The following NR3C2 variants were observed in gnomAD, a reference collection of about 807,000 sequenced individuals.
The protein encoded by NR3C2 is mineralocorticoid receptor.
In NR3C2, 15 loss-of-function variants were observed where a neutral mutation model predicts 86.4. The observed-to-expected ratio is 0.17, with a 90% CI of 0.12 to 0.27. The LOEUF is 0.27. NR3C2 is among the 10% of genes least tolerant of loss of function. The pLI, the probability that NR3C2 is intolerant of heterozygous loss-of-function variation, is 1.00. For synonymous variants in NR3C2, 458 were observed against 450.5 expected (o/e 1.02, Z -0.21); for missense variants, 960 against 1,195.6 (o/e 0.80, Z 2.91).
At chr4:148,111,059 C>T (rs544480297) in intron 8 of NR3C2, among the ~76,000 whole-genome samples, 10 of 152,238 alleles carry the variant, frequency 6.6e-5, no homozygotes, top group East Asian at 1.9e-4. Flanking sequence ...AGATCAGCCA[C>T]GCTGGGAGAA....
At chr4:148,347,062 G>A (rs1296800892) in intron 2 of NR3C2, among the ~76,000 whole-genome samples, 1 of 152,052 alleles carries the variant, frequency 6.6e-6, no homozygotes, top group Non-Finnish European at 1.5e-5. Flanking sequence ...TAGACCTAAG[G>A]GTCAAATTCT....
intron 4 of NR3C2, among the ~76,000 whole-genome samples, chr4:148,167,432 T>C (rs2149780936): frequency 6.6e-6 from 1 of 152,354 alleles, no homozygotes; most frequent in Admixed American, 6.5e-5. Flanking sequence ...AGAGCATTTT[T>C]AGCCTTTAGT....
chr4:148,354,937 A>G (rs1745479742), intron 2 of NR3C2, among the ~76,000 whole-genome samples: 1 of 152,190 alleles, frequency 6.6e-6, no homozygotes, highest in Non-Finnish European at 1.5e-5. Flanking sequence ...GAAAGTAATA[A>G]GTGATTTCAT....
intron 3 of NR3C2, among the ~76,000 whole-genome samples, chr4:148,254,459 T>C (rs746561946): frequency 9.2e-5 from 14 of 152,182 alleles, no homozygotes; most frequent in Non-Finnish European, 8.8e-5. Context: ...TGGGGGTCAA[T>C]TGTTGGAGAA....
At chr4:148,432,749 G>A (rs905848719) in intron 2 of NR3C2, among the ~76,000 whole-genome samples, 3 of 152,080 alleles carry the variant, frequency 2.0e-5, no homozygotes, top group Non-Finnish European at 4.4e-5. Context: ...AAGAGACTAA[G>A]GATGATACTT....
chr4:148,175,175 A>C (rs996550718), intron 4 of NR3C2, among the ~76,000 whole-genome samples: 2 of 152,164 alleles, frequency 1.3e-5, no homozygotes, highest in Non-Finnish European at 2.9e-5. Flanking sequence ...AACAAAACAA[A>C]ACACACACAA....
At chr4:148,403,834 A>G (rs1748282437) in intron 2 of NR3C2, among the ~76,000 whole-genome samples, 1 of 152,094 alleles carries the variant, frequency 6.6e-6, no homozygotes, top group African/African-American at 2.4e-5. Flanking sequence ...AGTAATACCA[A>G]AAGTTTTCAA....
chr4:148,289,465 C>T (rs902230337), intron 2 of NR3C2, among the ~76,000 whole-genome samples: 1 of 152,182 alleles, frequency 6.6e-6, no homozygotes, highest in Non-Finnish European at 1.5e-5. Flanking sequence ...AAGCCTCCTA[C>T]AGCGACACAT....
At chr4:148,419,116 T>C (rs1234686762) in intron 2 of NR3C2, among the ~76,000 whole-genome samples, 2 of 151,838 alleles carry the variant, frequency 1.3e-5, no homozygotes, top group Non-Finnish European at 1.5e-5. Context: ...TCTTTTTGTC[T>C]GGCTAGCCAT....
At chr4:148,305,017 C>T (rs895794354) in intron 2 of NR3C2, among the ~76,000 whole-genome samples, 5 of 133,576 alleles carry the variant, frequency 3.7e-5, no homozygotes, top group Non-Finnish European at 8.1e-5. Flanking sequence ...GCTGAACTAA[C>T]GAGTTAAAAA....
chr4:148,093,574 T>C (rs1300021151), intron 8 of NR3C2, among the ~76,000 whole-genome samples: 1 of 152,186 alleles, frequency 6.6e-6, no homozygotes, highest in African/African-American at 2.4e-5. Flanking sequence ...AACTTTATTT[T>C]CAAAGATCAA....
chr4:148,085,509 TTATAGCAC>T (rs1211474782), intron 8 of NR3C2, among the ~76,000 whole-genome samples: 2 of 152,208 alleles, frequency 1.3e-5, no homozygotes, highest in Non-Finnish European at 2.9e-5. Context: ...AGACGGAAAT[TTATAGCAC>T]TAAATGCCCA....
intron 2 of NR3C2, among the ~76,000 whole-genome samples, chr4:148,298,037 C>G (rs1332628116): frequency 6.6e-6 from 1 of 152,162 alleles, no homozygotes; most frequent in Non-Finnish European, 1.5e-5. Context: ...CCAGCAGTTT[C>G]TTCTTCTAAG....
At chr4:148,305,291 C>T (rs946101534) in intron 2 of NR3C2, among the ~76,000 whole-genome samples, 3 of 152,206 alleles carry the variant, frequency 2.0e-5, no homozygotes, top group Admixed American at 1.3e-4. Context: ...ATTTTTTCTA[C>T]TCCATTCTCC....
chr4:148,240,685 T>C (rs953183386), intron 3 of NR3C2, among the ~76,000 whole-genome samples: 1 of 152,168 alleles, frequency 6.6e-6, no homozygotes, highest in Non-Finnish European at 1.5e-5. Context: ...AACAGAACTA[T>C]TCCTGATGTA....
At chr4:148,210,081 G>A (rs531306701) in intron 3 of NR3C2, among the ~76,000 whole-genome samples, 97 of 152,284 alleles carry the variant, frequency 6.4e-4, no homozygotes, top group Middle Eastern at 3.4e-3. Context: ...GGAGGGTCTG[G>A]ATGGGTCACA....
chr4:148,358,742 GA>G (rs996941473), intron 2 of NR3C2, among the ~76,000 whole-genome samples: 1 of 151,930 alleles, frequency 6.6e-6, no homozygotes, highest in Admixed American at 6.6e-5. Context: ...AGAATCTCAA[GA>G]AAAAAAGGCT....
At chr4:148,228,280 TAC>T (rs61297657) in intron 3 of NR3C2, among the ~76,000 whole-genome samples, 15 of 151,382 alleles carry the variant, frequency 9.9e-5, no homozygotes, top group African/African-American at 3.6e-4. Context: ...GCATTATTTA[TAC>T]ACACACACAC....
At chr4:148,298,289 A>G (rs1742163942) in intron 2 of NR3C2, among the ~76,000 whole-genome samples, 4 of 152,352 alleles carry the variant, frequency 2.6e-5, no homozygotes, top group African/African-American at 7.2e-5. Context: ...AACATACTAC[A>G]TGATTCAATT....
Sources: gnomAD v4.1 joint callset for allele counts (sites outside exome capture counted in the v4.1 genomes callset) on GRCh38, gnomAD v4.1.1 for gene constraint, MANE v1.5 for transcripts, NCBI Gene and HGNC (gene_info 2026-07-23, HGNC 2026-07-21) for gene names.